GABRB1: variants seen among roughly 807,000 people sequenced by gnomAD.
The protein encoded by GABRB1 is gamma-aminobutyric acid receptor subunit beta-1.
In GABRB1, 17 loss-of-function variants were observed where a neutral mutation model predicts 51.6. The ratio of observed to expected loss-of-function variants is 0.33; its 90% CI spans 0.23 to 0.49. GABRB1 has a LOEUF of 0.49. Among genes scored for constraint, GABRB1 ranks in the 20% least tolerant of loss-of-function variants. The pLI, the probability that GABRB1 is intolerant of heterozygous loss-of-function variation, is 0.99. For synonymous variants in GABRB1, 247 were observed against 218.9 expected, an observed-to-expected ratio of 1.13 and a Z score of -1.14; for missense variants, 410 against 600.6, an observed-to-expected ratio of 0.68 and a Z score of 3.32.
At chr4:47,218,498 A>T (rs569825708) in intron 4 of GABRB1, among the ~76,000 whole-genome samples, 5 of 151,866 alleles carry the variant, frequency 3.3e-5, no homozygotes, top group Admixed American at 2.6e-4. Context: ...AACATTTGTT[A>T]CTTTTTTGTC....
Position 47,257,383 on chromosome 4 carries a change from C to T in GABRB1, c.462-62744C>T, listed in dbSNP as rs542584430. Among the ~76,000 whole-genome samples the T allele has an allele frequency of 3.3e-4, 51 of 152,270 alleles. No individual in the cohort carries two copies. In the South Asian group the frequency reaches 0.01, roughly 31 times the overall value. On this transcript the variant is annotated intron_variant, in intron 4 of 8. Transcript: ENST00000295454. ...AAAATTAGTTGCTTTGTGAAACTCT[C>T]ATCAGATTATTCTACTTTGAGCTTT... is the stretch of plus-strand genomic sequence containing the variant.
chr4:47,257,138 G>A (rs1443876510), intron 4 of GABRB1, among the ~76,000 whole-genome samples: 1 of 152,098 alleles, frequency 6.6e-6, no homozygotes, highest in African/African-American at 2.4e-5. Flanking sequence ...GTGAGGCCAT[G>A]TTTTATTCCC....
chr4:47,313,249 T>C (rs1051861803), intron 4 of GABRB1, among the ~76,000 whole-genome samples: 1 of 152,220 alleles, frequency 6.6e-6, no homozygotes, highest in Non-Finnish European at 1.5e-5. Flanking sequence ...AGTCAGTTAA[T>C]GCTTTTGCCT....
chr4:47,001,431 CAT>C (rs112769298), intron 1 of GABRB1, among the ~76,000 whole-genome samples: 7 of 152,310 alleles, frequency 4.6e-5, no homozygotes, highest in Admixed American at 1.3e-4. Context: ...TGTGAGCCAC[CAT>C]GCCCGGCCAG....
At chr4:47,218,974 T>G (rs2109820863) in intron 4 of GABRB1, among the ~76,000 whole-genome samples, 1 of 151,918 alleles carries the variant, frequency 6.6e-6, no homozygotes, top group South Asian at 2.1e-4. Context: ...ATTCTAAAAT[T>G]TAATGTAGAA....
chr4:47,354,976 CTTTG>C (rs1726500718), intron 5 of GABRB1, among the ~76,000 whole-genome samples: 1 of 82,454 alleles, frequency 1.2e-5, no homozygotes, highest in Non-Finnish European at 2.6e-5. Context: ...TTCTTTCTTC[CTTTG>C]TTTTTTTTTT....
upstream of GABRB1, among the ~76,000 whole-genome samples, chr4:47,027,737 G>C (rs1446362124): frequency 6.6e-6 from 1 of 151,592 alleles, no homozygotes; most frequent in Non-Finnish European, 1.5e-5. Context: ...AGAAAATAAA[G>C]TATGTAAACA....
chr4:47,053,991 A>G (rs1158572885), intron 3 of GABRB1, among the ~76,000 whole-genome samples: 2 of 152,102 alleles, frequency 1.3e-5, no homozygotes, highest in African/African-American at 2.4e-5. Context: ...CATTTTATAT[A>G]CTTTTCCTAT....
intron 4 of GABRB1, among the ~76,000 whole-genome samples, chr4:47,223,725 T>C (rs1720850325): frequency 6.6e-6 from 1 of 152,078 alleles, no homozygotes; most frequent in Non-Finnish European, 1.5e-5. Flanking sequence ...ACCCACAAGA[T>C]GATGATTTTC....
In GABRB1 at chr4:47,224,456, A is replaced by G. The variant is rs149719173; in HGVS notation, c.461+62987A>G. On this transcript the variant is annotated intron_variant, in intron 4 of 8. Transcript: ENST00000295454. The stretch of plus-strand genomic sequence containing the variant: ...GTGAGGATTTGCAACCAAAGAGCAG[A>G]GTGAGGAGGTTAATGAATGTAAAAT... Among the ~76,000 whole-genome samples, 1,117 of 152,270 alleles carry G rather than the reference A, an allele frequency of 7.3e-3. 9 individuals carry two copies. The highest frequency in any genetic ancestry group is 0.025 in the African/African-American group (1,058 of 41,560).
chr4:47,060,634 G>A (rs2109526479), intron 3 of GABRB1, among the ~76,000 whole-genome samples: 2 of 152,258 alleles, frequency 1.3e-5, no homozygotes, highest in South Asian at 4.1e-4. Context: ...GGTCTCTCCT[G>A]CAGTCAGTGG....
At chr4:47,300,007 A>G (rs1407990277) in intron 4 of GABRB1, among the ~76,000 whole-genome samples, 1 of 149,140 alleles carries the variant, frequency 6.7e-6, no homozygotes, top group Admixed American at 6.8e-5. Flanking sequence ...TCCAAACACC[A>G]CATGTTCTCA....
chr4:47,421,976 G>T (rs1490345991), intron 8 of GABRB1, among the ~76,000 whole-genome samples: 1 of 151,976 alleles, frequency 6.6e-6, no homozygotes, highest in East Asian at 1.9e-4. Context: ...CAAGCATTTT[G>T]GTCCTCATCA....
At chr4:47,085,245 A>G (rs1728009958) in intron 3 of GABRB1, among the ~76,000 whole-genome samples, 1 of 152,248 alleles carries the variant, frequency 6.6e-6, no homozygotes. Context: ...CACCTTTGAG[A>G]AAAGTTTGTC....
intron 1 of GABRB1, among the ~76,000 whole-genome samples, chr4:47,001,711 T>C (rs1241408465): frequency 6.6e-6 from 1 of 152,202 alleles, no homozygotes; most frequent in Non-Finnish European, 1.5e-5. Context: ...CCCCTGTAAT[T>C]GTGTGAGTCA....
rs1028371809 is a variant in GABRB1 at position 47,032,348 on chromosome 4, C to A, written c.173-69C>A. The A allele has an allele frequency of 1.6e-5, 21 of 1,347,336 alleles. No homozygotes were observed. The Admixed American group carries it at 3.3e-4, about 21-fold the overall frequency. The allele number at this position is 1,347,336 out of a possible 1,614,324, so 83.5% of individuals were successfully genotyped here. A position where few individuals can be genotyped will look rare whatever the true frequency, so the allele number is the denominator to read the frequency against. ...TAAGAATGGAGTAAGGGCTGGGAAG[C>A]CCCCAGACCCTCCCCAGCCTGCTGT... On this transcript the variant is annotated intron_variant, in intron 2 of 8. Transcript: ENST00000295454.
At position 47,294,768 on chromosome 4, in the gene GABRB1, C is replaced by T. The variant is rs566283603; in HGVS notation, c.462-25359C>T. Among the ~76,000 whole-genome samples, 28 of 152,344 alleles carry T rather than the reference C, an allele frequency of 1.8e-4. 1 individual carries two copies. The South Asian group carries it at 3.3e-3, about 18-fold the overall frequency. ...GAAGGGAGCAGTGGTTCTCCCAGCACGCAGCTGCAGATCTGAGAACGGGCA... is the reference window on the plus strand; with the variant it reads ...GAAGGGAGCAGTGGTTCTCCCAGCATGCAGCTGCAGATCTGAGAACGGGCA... On this transcript the variant is annotated intron_variant, in intron 4 of 8. Coordinates refer to ENST00000295454, the MANE Select transcript of GABRB1 (RefSeq NM_000812.4).
At chr4:47,235,725 C>T (rs1721309155) in intron 4 of GABRB1, among the ~76,000 whole-genome samples, 1 of 151,868 alleles carries the variant, frequency 6.6e-6, no homozygotes, top group African/African-American at 2.4e-5. Flanking sequence ...CTTAGTATAC[C>T]ACATATCACC....
chr4:47,218,174 T>G (rs1720630287), intron 4 of GABRB1, among the ~76,000 whole-genome samples: 1 of 151,910 alleles, frequency 6.6e-6, no homozygotes, highest in South Asian at 2.1e-4. Flanking sequence ...ATTTCATTTA[T>G]TTTTATAACC....
Sources: gnomAD v4.1 joint callset for allele counts (sites outside exome capture counted in the v4.1 genomes callset) on GRCh38, gnomAD v4.1.1 for gene constraint, MANE v1.5 for transcripts, NCBI Gene and HGNC (gene_info 2026-07-23, HGNC 2026-07-21) for gene names.